Variants in SPOCK3 observed in about 807,000 individuals in gnomAD.
The protein encoded by SPOCK3 is testican-3.
SPOCK3 carries 30 observed loss-of-function variants against 56.6 expected under a neutral mutation model. The observed-to-expected ratio is 0.53, with a 90% CI of 0.40 to 0.72. SPOCK3 has a LOEUF of 0.72. Among genes scored for constraint, SPOCK3 ranks in the 30% least tolerant of loss-of-function variants. The probability of loss-of-function intolerance (pLI) is 0.00; values close to 1 mark genes in which losing one functional copy is unlikely to be tolerated. For synonymous variants in SPOCK3, 196 were observed against 183.3 expected (o/e 1.07, Z -0.56); for missense variants, 527 against 530.0 (o/e 0.99, Z 0.06).
At chr4:167,222,985 A>G (rs1249382003) in intron 2 of SPOCK3, among the ~76,000 whole-genome samples, 12 of 126,454 alleles carry the variant, frequency 9.5e-5, no homozygotes, top group Admixed American at 8.6e-4. Flanking sequence ...AATATATATT[A>G]TATTTTATAT....
intron 2 of SPOCK3, among the ~76,000 whole-genome samples, chr4:167,149,843 A>G (rs201062178): frequency 0.12 from 32 of 258 alleles, no homozygotes; most frequent in Middle Eastern, 0.5. Context: ...ATATATATGT[A>G]TATATATATA....
chr4:167,131,312 G>T (rs1352070949), intron 2 of SPOCK3, among the ~76,000 whole-genome samples: 1 of 152,120 alleles, frequency 6.6e-6, no homozygotes, highest in African/African-American at 2.4e-5. Context: ...GTAGGACTGG[G>T]CATGGTGGCT....
intron 5 of SPOCK3, among the ~76,000 whole-genome samples, chr4:166,901,436 A>G (rs1423669978): frequency 1.3e-5 from 2 of 152,254 alleles, no homozygotes; most frequent in East Asian, 3.9e-4. Context: ...ACCTTGCAGG[A>G]AGTTCTTTTC....
At chr4:167,010,478 C>G (rs964561067) in intron 3 of SPOCK3, among the ~76,000 whole-genome samples, 4 of 147,730 alleles carry the variant, frequency 2.7e-5, no homozygotes, top group African/African-American at 5.0e-5. Flanking sequence ...CAAGGTCACG[C>G]CACTGCACTA....
intron 6 of SPOCK3, among the ~76,000 whole-genome samples, chr4:166,833,545 T>G (rs1452854283): frequency 2.0e-5 from 3 of 152,204 alleles, no homozygotes; most frequent in Admixed American, 2.0e-4. Context: ...CAAACACATT[T>G]GGCATTACAT....
At chr4:167,061,524 A>G (rs1755607191) in intron 3 of SPOCK3, among the ~76,000 whole-genome samples, 1 of 151,958 alleles carries the variant, frequency 6.6e-6, no homozygotes, top group Non-Finnish European at 1.5e-5. Flanking sequence ...ATGATGGTCT[A>G]TGTCTAGGTC....
chr4:166,981,514 C>T (rs1328684717), intron 4 of SPOCK3, among the ~76,000 whole-genome samples: 2 of 152,236 alleles, frequency 1.3e-5, no homozygotes, highest in Non-Finnish European at 1.5e-5. Context: ...GCTGGTAGTC[C>T]TGATGTTTGT....
intron 4 of SPOCK3, among the ~76,000 whole-genome samples, chr4:166,945,648 G>C (rs780548718): frequency 6.6e-6 from 1 of 151,946 alleles, no homozygotes; most frequent in Non-Finnish European, 1.5e-5. Flanking sequence ...CACTCCAATT[G>C]ACCACTAATA....
chr4:166,910,439 CCTCACGCCCAAGGAG>C (rs1412688401), intron 5 of SPOCK3, among the ~76,000 whole-genome samples: 2 of 152,118 alleles, frequency 1.3e-5, no homozygotes, highest in East Asian at 3.9e-4. Context: ...TCACAGTGTG[CCTCACGCCCAAGGAG>C]AACAATGAGG....
intron 3 of SPOCK3, among the ~76,000 whole-genome samples, chr4:167,060,733 A>G (rs1215662039): frequency 6.6e-6 from 1 of 152,098 alleles, no homozygotes; most frequent in African/African-American, 2.4e-5. Flanking sequence ...TGATAGTGTT[A>G]TCATATGAGT....
At chr4:166,842,941 G>C (rs2124452) in intron 6 of SPOCK3, among the ~76,000 whole-genome samples, 30,915 of 152,192 alleles carry the variant, frequency 0.2, 4,214 homozygotes, top group East Asian at 0.65. Flanking sequence ...AGTCAGGCAT[G>C]GCAGGCTGCA....
chr4:166,814,301 G>C (rs1191139820), intron 6 of SPOCK3, among the ~76,000 whole-genome samples: 1 of 152,036 alleles, frequency 6.6e-6, no homozygotes, highest in Non-Finnish European at 1.5e-5. Flanking sequence ...ATTAATGTTA[G>C]GTGTCAATTG....
intron 2 of SPOCK3, among the ~76,000 whole-genome samples, chr4:167,092,740 G>A (rs1411267919): frequency 6.6e-6 from 1 of 152,086 alleles, no homozygotes; most frequent in East Asian, 1.9e-4. Context: ...AAAATGCTGA[G>A]AAGCTGTAAA....
intron 7 of SPOCK3, among the ~76,000 whole-genome samples, chr4:166,786,755 T>A (rs2126636381): frequency 1.3e-5 from 2 of 152,354 alleles, no homozygotes; most frequent in South Asian, 4.1e-4. Flanking sequence ...GTAATCATGC[T>A]CAACAATGTT....
chr4:167,104,387 G>A (rs980816316), intron 2 of SPOCK3, among the ~76,000 whole-genome samples: 10 of 152,012 alleles, frequency 6.6e-5, no homozygotes, highest in Non-Finnish European at 1.0e-4. Context: ...TGAAGAGATC[G>A]AAGTAATTAA....
intron 4 of SPOCK3, among the ~76,000 whole-genome samples, chr4:166,991,199 A>C (rs1747743778): frequency 6.6e-6 from 1 of 152,024 alleles, no homozygotes; most frequent in Non-Finnish European, 1.5e-5. Flanking sequence ...ACTATTTTTT[A>C]CCATGATTCA....
intron 6 of SPOCK3, among the ~76,000 whole-genome samples, chr4:166,848,919 A>G (rs1489761192): frequency 6.6e-6 from 1 of 152,180 alleles, no homozygotes; most frequent in East Asian, 1.9e-4. Flanking sequence ...GATGTAAACT[A>G]TGTCGTTGAT....
intron 6 of SPOCK3, among the ~76,000 whole-genome samples, chr4:166,888,723 A>T (rs7661721): frequency 0.64 from 96,980 of 151,778 alleles, 31,142 homozygotes; most frequent in East Asian, 0.77. Context: ...TTTATTTAAA[A>T]TGGTTAGTAT....
In SPOCK3 at chr4:166,998,895, CTAA is replaced by C. The variant is rs1162533748; in HGVS notation, c.350+1451_350+1453del. On this transcript the variant is annotated intron_variant, in intron 4 of 10. Coordinates refer to ENST00000357545, the MANE Select transcript of SPOCK3 (RefSeq NM_001040159.2). ...CCCCCTATATACACACATTCACATACTAATGTTTTTAAATTTGTATGATTAATT... is the reference window on the plus strand; with the variant it reads ...CCCCCTATATACACACATTCACATACTGTTTTTAAATTTGTATGATTAATT... 2.0e-5 allele frequency among the ~76,000 whole-genome samples: 3 copies of C among 152,110 alleles called. No homozygotes were observed. In the East Asian group the frequency reaches 5.8e-4, roughly 29 times the overall value.
Sources: gnomAD v4.1 joint callset for allele counts (sites outside exome capture counted in the v4.1 genomes callset) on GRCh38, gnomAD v4.1.1 for gene constraint, MANE v1.5 for transcripts, NCBI Gene and HGNC (gene_info 2026-07-23, HGNC 2026-07-21) for gene names.